ATP8A2: variants seen among roughly 807,000 people sequenced by gnomAD.
ATP8A2 encodes the protein phospholipid-transporting ATPase IB.
In ATP8A2, 100 loss-of-function variants were observed where a neutral mutation model predicts 165.6. That is an observed-to-expected ratio of 0.60 (90% CI 0.51 to 0.71). ATP8A2 has a LOEUF of 0.71. Among genes scored for constraint, ATP8A2 ranks in the 30% least tolerant of loss-of-function variants. The probability of loss-of-function intolerance (pLI) is 0.00; values close to 1 mark genes in which losing one functional copy is unlikely to be tolerated. For synonymous variants in ATP8A2, 543 were observed against 548.8 expected (o/e 0.99, Z 0.15); for missense variants, 1,227 against 1,479.5 (o/e 0.83, Z 2.80).
chr13:25,861,559 G>T (rs1952353074), intron 32 of ATP8A2, among the ~76,000 whole-genome samples: 2 of 152,214 alleles, frequency 1.3e-5, no homozygotes, highest in South Asian at 4.1e-4. Flanking sequence ...TGGGGATGGG[G>T]TGGAAGGTCA....
chr13:25,831,216 CTTT>C (rs71759758), intron 28 of ATP8A2, among the ~76,000 whole-genome samples: 3 of 133,474 alleles, frequency 2.2e-5, no homozygotes, highest in Admixed American at 7.7e-5. Flanking sequence ...AACTAATTTT[CTTT>C]TTTTTTTTTT....
chr13:25,908,204 A>G (rs1050283281), intron 33 of ATP8A2, among the ~76,000 whole-genome samples: 2 of 151,966 alleles, frequency 1.3e-5, no homozygotes, highest in Admixed American at 1.3e-4. Context: ...CTTTGCTCCT[A>G]TGTCTGTAGG....
intron 24 of ATP8A2, among the ~76,000 whole-genome samples, chr13:25,650,024 A>G (rs1371360517): frequency 6.6e-6 from 1 of 152,102 alleles, no homozygotes; most frequent in Non-Finnish European, 1.5e-5. Context: ...CTTCCTAAGA[A>G]GCATCTTGGA....
At chr13:25,859,259 C>G (rs1952269278) in intron 30 of ATP8A2, among the ~76,000 whole-genome samples, 1 of 152,024 alleles carries the variant, frequency 6.6e-6, no homozygotes, top group South Asian at 2.1e-4. Flanking sequence ...CCATTGGGTA[C>G]TATGCTTACT....
chr13:25,855,413 G>A (rs151022324), intron 30 of ATP8A2, among the ~76,000 whole-genome samples: 25 of 152,200 alleles, frequency 1.6e-4, no homozygotes, highest in African/African-American at 6.0e-4. Flanking sequence ...TTAGCATAAG[G>A]TTTTCAAGGT....
chr13:25,839,515 C>T, intron 29 of ATP8A2, 31 bp from the exon 30 acceptor site: 4 of 1,576,760 alleles, frequency 2.5e-6, no homozygotes, highest in Non-Finnish European at 2.6e-6. Flanking sequence ...TTTTGGGCAG[C>T]TCCTGACTCC....
chr13:25,884,771 CAG>C (rs765466885), intron 33 of ATP8A2, among the ~76,000 whole-genome samples: 2 of 152,212 alleles, frequency 1.3e-5, no homozygotes, highest in Non-Finnish European at 1.5e-5. Context: ...CCTGGGTGAA[CAG>C]AGTTTGATTT....
intron 33 of ATP8A2, among the ~76,000 whole-genome samples, chr13:25,935,900 A>T (rs930994520): frequency 6.6e-6 from 1 of 152,238 alleles, no homozygotes; most frequent in Non-Finnish European, 1.5e-5. Context: ...GATAGATATT[A>T]GGCTTGAGTT....
intron 24 of ATP8A2, among the ~76,000 whole-genome samples, chr13:25,639,125 C>A (rs184521481): frequency 0.058 from 5,238 of 89,740 alleles, 158 homozygotes; most frequent in East Asian, 0.2. Flanking sequence ...ATGGAAAGGA[C>A]CAGTACCAGC....
chr13:25,828,844 T>C (rs1316461848), intron 28 of ATP8A2, among the ~76,000 whole-genome samples: 1 of 152,214 alleles, frequency 6.6e-6, no homozygotes, highest in Non-Finnish European at 1.5e-5. Flanking sequence ...TTTCTTGCTT[T>C]TTGTTTCACT....
chr13:25,372,340 G>A lies in ATP8A2; in HGVS notation c.76+52G>A. ...AGGGTGGGCCCGGGGCGGGGGCGGC[G>A]CGGGGCGCGCCTGCGGTTATGCGAC... is the stretch of plus-strand genomic sequence containing the variant. On this transcript the variant is annotated intron_variant, in intron 1 of 36. Transcript: ENST00000381655. The surrounding 1 kb of genome is among the most constrained non-coding windows in gnomAD (Gnocchi z 4.8). The A allele has an allele frequency of 1.5e-6, 2 of 1,326,612 alleles. No individual in the cohort carries two copies. Among genetic ancestry groups the A allele is most frequent in the Non-Finnish European group, 1.0e-6 (1 of 1,004,358 alleles). 82.2% of individuals were successfully genotyped at this position (1,326,612 alleles called of 1,614,324 possible). A position where few individuals can be genotyped will look rare whatever the true frequency, so the allele number is the denominator to read the frequency against.
chr13:25,917,100 C>A (rs182714070), intron 33 of ATP8A2, among the ~76,000 whole-genome samples: 1 of 152,190 alleles, frequency 6.6e-6, no homozygotes, highest in Non-Finnish European at 1.5e-5. Flanking sequence ...AGGATTGACT[C>A]TAGCCGCCCA....
intron 34 of ATP8A2, among the ~76,000 whole-genome samples, chr13:25,966,203 C>G (rs1400515163): frequency 6.6e-6 from 1 of 152,156 alleles, no homozygotes; most frequent in East Asian, 1.9e-4. Context: ...GTCATCCAGC[C>G]TCTCGATGTG....
intron 24 of ATP8A2, among the ~76,000 whole-genome samples, chr13:25,640,955 C>A (rs553995703): frequency 2.0e-5 from 3 of 152,246 alleles, no homozygotes; most frequent in South Asian, 2.1e-4. Context: ...TCAACATACG[C>A]AAATCAATAA....
chr13:25,519,112 A>G (rs2037575098), intron 2 of ATP8A2, among the ~76,000 whole-genome samples: 1 of 152,064 alleles, frequency 6.6e-6, no homozygotes, highest in South Asian at 2.1e-4. Flanking sequence ...GAGCAACGGG[A>G]GCTCTCCCAC....
chr13:25,465,727 C>CTT (rs1272833005), intron 1 of ATP8A2, among the ~76,000 whole-genome samples: 18 of 59,392 alleles, frequency 3.0e-4, no homozygotes, highest in African/African-American at 1.3e-3. Flanking sequence ...TTCTTTCTTT[C>CTT]TTTCTTTCTT....
rs533765010 is a variant in ATP8A2, at chr13:25,701,214, G to T, written c.2384+1869G>T. On this transcript the variant is annotated intron_variant, in intron 25 of 36. Transcript: ENST00000381655. ...GCCAGTTTATCTATCTTTTTCTTTTGTGCTTTTGGTGTCATAGCTAATGAG... is the reference window on the plus strand; with the variant it reads ...GCCAGTTTATCTATCTTTTTCTTTTTTGCTTTTGGTGTCATAGCTAATGAG... 7.9e-5 allele frequency among the ~76,000 whole-genome samples: 12 copies of T among 152,068 alleles called. No homozygotes were observed. In the South Asian group the frequency reaches 2.3e-3, roughly 29 times the overall value.
intron 27 of ATP8A2, among the ~76,000 whole-genome samples, chr13:25,799,073 C>T (rs983820945): frequency 1.3e-5 from 2 of 149,186 alleles, no homozygotes; most frequent in African/African-American, 4.9e-5. Flanking sequence ...GCACGGGAGC[C>T]CTCAAAGGAA....
chr13:25,537,968 C>G lies in ATP8A2; in HGVS notation c.508-20C>G. On this transcript the variant is annotated intron_variant, in intron 6 of 36. Transcript: ENST00000381655. Reference sequence around the variant, plus strand: ...TTTCTTTTCTTTCGTGCCCCTCTGTCCTCATCCCTGTCTCTCTAGGTGGCA... The same window carrying G: ...TTTCTTTTCTTTCGTGCCCCTCTGTGCTCATCCCTGTCTCTCTAGGTGGCA... 1.3e-6 allele frequency: 2 copies of G among 1,596,828 alleles called. No homozygotes were observed. Among genetic ancestry groups the G allele is most frequent in the South Asian group, 2.2e-5 (2 of 90,578 alleles).
Sources: allele counts gnomAD v4.1 joint callset (sites outside exome capture counted in the v4.1 genomes callset), GRCh38; gene constraint gnomAD v4.1.1; non-coding constraint Gnocchi (gnomAD v3.1); transcripts MANE v1.5; gene names NCBI Gene and HGNC (gene_info 2026-07-23, HGNC 2026-07-21).